The following KCNJ6 variants were observed in gnomAD, a reference collection of about 807,000 sequenced individuals.
KCNJ6 encodes G protein-activated inward rectifier potassium channel 2.
Under a neutral mutation model 34.2 loss-of-function variants are expected in KCNJ6, and 9 were observed. The observed-to-expected ratio is 0.26, with a 90% CI of 0.16 to 0.46. The LOEUF (loss-of-function observed/expected upper bound fraction) is 0.46. Ranked by LOEUF, KCNJ6 falls within the 20% of genes least tolerant of loss-of-function variation. KCNJ6 has a pLI of 1.00. For synonymous variants in KCNJ6, 196 were observed against 207.1 expected (o/e 0.95, Z 0.46); for missense variants, 236 against 531.3 (o/e 0.44, Z 5.46).
intron 2 of KCNJ6, among the ~76,000 whole-genome samples, chr21:37,832,213 G>A (rs966883335): frequency 6.7e-6 from 1 of 150,360 alleles, no homozygotes; most frequent in South Asian, 2.1e-4. Flanking sequence ...AACTACCTGT[G>A]TGAGTGTGAA....
intron 2 of KCNJ6, among the ~76,000 whole-genome samples, chr21:37,792,423 A>G (rs1271069927): frequency 6.6e-6 from 1 of 152,222 alleles, no homozygotes; most frequent in Non-Finnish European, 1.5e-5. Context: ...GAAAAGCACA[A>G]TCTCTCTCTT....
intron 2 of KCNJ6, among the ~76,000 whole-genome samples, chr21:37,723,809 T>C (rs2054839537): frequency 6.6e-6 from 1 of 152,154 alleles, no homozygotes; most frequent in African/African-American, 2.4e-5. Context: ...CTATTGGTAC[T>C]ACGTTCACTA....
chr21:37,724,320 T>TAA (rs59383968), intron 2 of KCNJ6, among the ~76,000 whole-genome samples: 7 of 147,710 alleles, frequency 4.7e-5, no homozygotes, highest in South Asian at 4.3e-4. Flanking sequence ...TGTTGCATAT[T>TAA]AAAAAAAAAA....
At chr21:37,633,715 C>CA (rs151197001) in intron 3 of KCNJ6, among the ~76,000 whole-genome samples, 14,143 of 151,258 alleles carry the variant, frequency 0.094, 830 homozygotes, top group South Asian at 0.22. Context: ...CCTCTAGCAA[C>CA]AAAAAAAACC....
chr21:37,900,139 C>A lies in KCNJ6; in HGVS notation c.-28+15745G>T, dbSNP rs540060278. Among the ~76,000 whole-genome samples the A allele has an allele frequency of 6.1e-4, 93 of 152,194 alleles. 1 individual carries two copies. In the South Asian group the frequency reaches 0.012, roughly 20 times the overall value. On this transcript the variant is annotated intron_variant, in intron 1 of 3. Transcript: ENST00000609713. Reference sequence around the variant, plus strand: ...TTTAGTGAAATGTAACAAAAGCTTTCAAAAAAGTGCCTACCCTTTTTACCC... The same window carrying A: ...TTTAGTGAAATGTAACAAAAGCTTTAAAAAAAGTGCCTACCCTTTTTACCC...
chr21:37,826,655 C>T (rs2055400498), intron 2 of KCNJ6, among the ~76,000 whole-genome samples: 1 of 151,474 alleles, frequency 6.6e-6, no homozygotes, highest in Admixed American at 6.6e-5. Context: ...AAGGAAGAAT[C>T]GTGTAAAATA....
chr21:37,816,615 G>A (rs190238178), intron 2 of KCNJ6, among the ~76,000 whole-genome samples: 9 of 152,208 alleles, frequency 5.9e-5, no homozygotes, highest in Admixed American at 2.6e-4. Context: ...TGCTGGGCTG[G>A]GTCAGGGCGA....
intron 3 of KCNJ6, among the ~76,000 whole-genome samples, chr21:37,667,020 C>A (rs1466411159): frequency 1.4e-4 from 21 of 151,546 alleles, no homozygotes; most frequent in Admixed American, 1.4e-3. Flanking sequence ...CTGTGGAAGG[C>A]CGCAGGGACC....
intron 2 of KCNJ6, among the ~76,000 whole-genome samples, chr21:37,792,413 G>A (rs1342103154): frequency 6.6e-6 from 1 of 152,220 alleles, no homozygotes; most frequent in African/African-American, 2.4e-5. Context: ...GGCCGACTGT[G>A]AAAAGCACAA....
intron 1 of KCNJ6, among the ~76,000 whole-genome samples, chr21:37,849,583 C>G (rs1173238212): frequency 6.6e-6 from 1 of 152,186 alleles, no homozygotes; most frequent in East Asian, 1.9e-4. Context: ...TGCCTGGACC[C>G]TTCCCTTCCA....
Position 37,625,363 on chromosome 21 carries a change from C to T in KCNJ6, c.1068G>A (p.Glu356=), listed in dbSNP as rs1476451783. 1 of 1,614,120 alleles carries T rather than the reference C, an allele frequency of 6.2e-7. No individual in the cohort carries two copies. The highest frequency in any genetic ancestry group is 8.5e-7 in the Non-Finnish European group (1 of 1,180,048). The change falls in exon 4 of 4, where the codon GAG becomes GAA. Residue 356 remains glutamate (E), a synonymous_variant. Transcript: ENST00000609713. ...GGGATGGGGTGCTGGTCTCATAGGT[C>T]TCATGGAAGCTGTTGTAGTCAACTT... ...FYEVDYNSFH[E]TYETSTPSLS...
rs759167147 is a variant in KCNJ6 at position 37,607,432 on chromosome 21, A to G, written c.*17727T>C. 1 of 146,924 alleles carries G rather than the reference A, an allele frequency of 6.8e-6. No individual in the cohort carries two copies. The highest frequency in any genetic ancestry group is 2.1e-4 in the East Asian group (1 of 4,846). The allele number at this position is 146,924 out of a possible 1,614,324, so 9.1% of individuals were successfully genotyped here. ...AAAAAGAGGAACACCTCAATATGTA[A>G]ACAGTTTCCCTAACACAGCGAGTTC... On this transcript the variant is annotated 3_prime_UTR_variant, in exon 4 of 4. Transcript: ENST00000609713.
intron 3 of KCNJ6, among the ~76,000 whole-genome samples, chr21:37,677,351 A>G (rs1361470038): frequency 3.3e-5 from 5 of 152,180 alleles, no homozygotes; most frequent in African/African-American, 1.2e-4. Context: ...CCAGAGATCA[A>G]CTTGGCCAAA....
chr21:37,868,945 A>G (rs759367774), intron 1 of KCNJ6, among the ~76,000 whole-genome samples: 11 of 152,330 alleles, frequency 7.2e-5, no homozygotes, highest in Non-Finnish European at 1.5e-4. Flanking sequence ...TTGGTGTTTC[A>G]CTCACAGTTT....
At chr21:37,814,629 C>T (rs542212999) in intron 2 of KCNJ6, among the ~76,000 whole-genome samples, 2 of 152,256 alleles carry the variant, frequency 1.3e-5, no homozygotes, top group African/African-American at 4.8e-5. Flanking sequence ...CCAAGCGTGG[C>T]AACTCACGCC....
chr21:37,760,181 G>A (rs2055053633), intron 2 of KCNJ6, among the ~76,000 whole-genome samples: 1 of 152,192 alleles, frequency 6.6e-6, no homozygotes, highest in African/African-American at 2.4e-5. Flanking sequence ...AGCTGGTCCT[G>A]AATTCCTGAC....
chr21:37,678,764 C>A (rs1033194105), intron 3 of KCNJ6, among the ~76,000 whole-genome samples: 2 of 152,162 alleles, frequency 1.3e-5, no homozygotes, highest in Non-Finnish European at 2.9e-5. Context: ...GAGAGACCCA[C>A]GTAAACTCAG....
intron 1 of KCNJ6, among the ~76,000 whole-genome samples, chr21:37,854,602 T>C (rs913986117): frequency 2.6e-5 from 4 of 152,354 alleles, no homozygotes; most frequent in Admixed American, 2.6e-4. Context: ...TAGTTAATGA[T>C]GCTGTGTTGT....
In KCNJ6 at chr21:37,615,241, A is replaced by ATTTTTTTTTTTTTTTTTTTTTTTTTTT. The variant is rs2054262036; in HGVS notation, c.*9917_*9918insAAAAAAAAAAAAAAAAAAAAAAAAAAA. ...CAGACCCTCGACTGACATTCCCAGCATTCTTTTTTTTTTTTTTTTTTTTTT... is the reference window on the plus strand; with the variant it reads ...CAGACCCTCGACTGACATTCCCAGCATTTTTTTTTTTTTTTTTTTTTTTTTTTTTCTTTTTTTTTTTTTTTTTTTTTT... On this transcript the variant is annotated 3_prime_UTR_variant, in exon 4 of 4. Transcript: ENST00000609713. The ATTTTTTTTTTTTTTTTTTTTTTTTTTT allele has an allele frequency of 1.8e-5, 2 of 111,856 alleles. 1 individual carries two copies. The highest frequency in any genetic ancestry group is 7.6e-5 in the African/African-American group (2 of 26,214). The allele number at this position is 111,856 out of a possible 1,614,324, so 6.9% of individuals were successfully genotyped here.
Sources: gnomAD v4.1 joint callset for allele counts (sites outside exome capture counted in the v4.1 genomes callset) on GRCh38, gnomAD v4.1.1 for gene constraint, MANE v1.5 for transcripts, NCBI Gene and HGNC (gene_info 2026-07-23, HGNC 2026-07-21) for gene names.